MACROD2: variants seen among roughly 807,000 people sequenced by gnomAD.
MACROD2 encodes mono-ADP ribosylhydrolase 2, also known as ADP-ribose glycohydrolase MACROD2.
Under a neutral mutation model 70.4 loss-of-function variants are expected in MACROD2, and 36 were observed. The observed-to-expected ratio is 0.51, with a 90% CI of 0.39 to 0.68. The LOEUF is 0.68. MACROD2 is among the 30% of genes least tolerant of loss of function. MACROD2 has a pLI of 0.00. For synonymous variants in MACROD2, 172 were observed against 178.8 expected (o/e 0.96, Z 0.30); for missense variants, 496 against 538.4 (o/e 0.92, Z 0.78).
chr20:15,446,381 G>T (rs1318566633), intron 7 of MACROD2, among the ~76,000 whole-genome samples: 1 of 152,202 alleles, frequency 6.6e-6, no homozygotes, highest in East Asian at 1.9e-4. Context: ...GTGCAAGGGA[G>T]GATTTTTGTT....
chr20:14,002,702 C>G, intron 2 of MACROD2, among the ~76,000 whole-genome samples: 1 of 151,852 alleles, frequency 6.6e-6, no homozygotes. Context: ...TAGAGATTTG[C>G]TGCTTTGGTG....
intron 3 of MACROD2, among the ~76,000 whole-genome samples, chr20:14,267,753 C>T (rs1402792945): frequency 6.6e-6 from 1 of 152,012 alleles, no homozygotes; most frequent in Non-Finnish European, 1.5e-5. Flanking sequence ...AAATCTTTCT[C>T]AGTAAGCCTC....
At chr20:14,224,383 C>T (rs764111908) in intron 3 of MACROD2, among the ~76,000 whole-genome samples, 4 of 152,168 alleles carry the variant, frequency 2.6e-5, no homozygotes, top group Non-Finnish European at 5.9e-5. Flanking sequence ...TCTGATCATA[C>T]CATTAGCTTC....
chr20:14,690,263 T>TA (rs2071048114), intron 5 of MACROD2, among the ~76,000 whole-genome samples: 1 of 152,092 alleles, frequency 6.6e-6, no homozygotes, highest in African/African-American at 2.4e-5. Context: ...TTTCTTTTAT[T>TA]TCTTCTATTT....
chr20:15,594,959 A>C (rs2048727042), intron 8 of MACROD2, among the ~76,000 whole-genome samples: 1 of 151,954 alleles, frequency 6.6e-6, no homozygotes, highest in East Asian at 1.9e-4. Context: ...ACCTCTGTTG[A>C]TTTCTTAGTG....
chr20:15,308,656 G>T (rs1483845274), intron 6 of MACROD2, among the ~76,000 whole-genome samples: 1 of 152,152 alleles, frequency 6.6e-6, no homozygotes, highest in Non-Finnish European at 1.5e-5. Context: ...CAAACATTTA[G>T]ATTCAAGGAA....
chr20:15,445,125 C>T (rs1308244548), intron 7 of MACROD2, among the ~76,000 whole-genome samples: 2 of 152,152 alleles, frequency 1.3e-5, no homozygotes, highest in African/African-American at 4.8e-5. Flanking sequence ...TTGAAGAAGG[C>T]TTTACTTTTG....
At chr20:14,013,273 CTTT>C (rs770856375) in intron 2 of MACROD2, among the ~76,000 whole-genome samples, 2 of 128,720 alleles carry the variant, frequency 1.6e-5, no homozygotes, top group African/African-American at 2.9e-5. Context: ...ACTGTACTTT[CTTT>C]TTTTTTTTTT....
intron 3 of MACROD2, among the ~76,000 whole-genome samples, chr20:14,462,167 C>T (rs1042989005): frequency 5.3e-5 from 8 of 151,988 alleles, no homozygotes; most frequent in Admixed American, 1.3e-4. Flanking sequence ...AAAAGTGTTC[C>T]GATTTCTCCA....
intron 2 of MACROD2, among the ~76,000 whole-genome samples, chr20:14,020,022 C>T (rs546241003): frequency 3.3e-5 from 5 of 152,164 alleles, no homozygotes; most frequent in East Asian, 3.9e-4. Flanking sequence ...AAAATTAGCT[C>T]GGGCCATGCC....
chr20:14,485,929 AACAGGGGCC>A (rs2084724353), intron 3 of MACROD2, among the ~76,000 whole-genome samples: 1 of 152,144 alleles, frequency 6.6e-6, no homozygotes, highest in Admixed American at 6.5e-5. Flanking sequence ...GAAACAGAAG[AACAGGGGCC>A]ATCCTTATGA....
intron 5 of MACROD2, among the ~76,000 whole-genome samples, chr20:14,974,306 A>C (rs912243163): frequency 2.0e-5 from 3 of 152,146 alleles, no homozygotes; most frequent in Admixed American, 6.5e-5. Context: ...CCGATGTTCA[A>C]ACTATAGCAG....
intron 3 of MACROD2, among the ~76,000 whole-genome samples, chr20:14,158,918 T>C (rs2055143692): frequency 6.6e-6 from 1 of 152,156 alleles, no homozygotes; most frequent in Admixed American, 6.5e-5. Context: ...ATACAAATTT[T>C]AGGATTGCTT....
At chr20:14,432,821 G>C (rs1271931995) in intron 3 of MACROD2, among the ~76,000 whole-genome samples, 1 of 152,158 alleles carries the variant, frequency 6.6e-6, no homozygotes, top group Non-Finnish European at 1.5e-5. Flanking sequence ...TCTTATGGTA[G>C]TAAATGACCC....
intron 8 of MACROD2, among the ~76,000 whole-genome samples, chr20:15,523,430 T>G (rs984604260): frequency 9.9e-5 from 15 of 152,208 alleles, no homozygotes; most frequent in African/African-American, 3.6e-4. Flanking sequence ...TGGAAGGGCC[T>G]AGTCTGGGTC....
intron 4 of MACROD2, among the ~76,000 whole-genome samples, chr20:14,557,408 A>G (rs972849394): frequency 6.6e-6 from 1 of 151,974 alleles, no homozygotes; most frequent in Non-Finnish European, 1.5e-5. Flanking sequence ...TTTGTGTTTC[A>G]AATCACACCA....
chr20:14,348,303 G>A (rs2083085090), intron 3 of MACROD2, among the ~76,000 whole-genome samples: 1 of 149,674 alleles, frequency 6.7e-6, no homozygotes, highest in Non-Finnish European at 1.5e-5. Flanking sequence ...AAGAAAGAAA[G>A]AAAGAAAAGA....
chr20:14,016,877 TC>T (rs1322936353), intron 2 of MACROD2, among the ~76,000 whole-genome samples: 1 of 152,100 alleles, frequency 6.6e-6, no homozygotes. Flanking sequence ...GGATTTTTTT[TC>T]CCCACAAAAA....
chr20:14,528,993 T>C (rs1368862785), intron 4 of MACROD2, among the ~76,000 whole-genome samples: 1 of 152,166 alleles, frequency 6.6e-6, no homozygotes, highest in African/African-American at 2.4e-5. Flanking sequence ...TATCTGCATG[T>C]ATAACTAGGT....
Sources: allele counts gnomAD v4.1 joint callset (sites outside exome capture counted in the v4.1 genomes callset), GRCh38; gene constraint gnomAD v4.1.1; transcripts MANE v1.5; gene names NCBI Gene and HGNC (gene_info 2026-07-23, HGNC 2026-07-21).